SYNE2: variants seen among roughly 807,000 people sequenced by gnomAD.
SYNE2 encodes nesprin-2.
SYNE2 carries 431 observed loss-of-function variants against 856.3 expected under a neutral mutation model. The ratio of observed to expected loss-of-function variants is 0.50; its 90% CI spans 0.47 to 0.55. SYNE2 has a LOEUF of 0.55. Ranked by LOEUF, SYNE2 falls within the 20% of genes least tolerant of loss-of-function variation. The probability of loss-of-function intolerance (pLI) is 0.00; values close to 1 mark genes in which losing one functional copy is unlikely to be tolerated. For synonymous variants in SYNE2, 2,923 were observed against 2,872.3 expected (o/e 1.02, Z -0.56); for missense variants, 8,129 against 8,023.2 (o/e 1.01, Z -0.50).
chr14:64,206,128 C>G (rs1398853476), intron 100 of SYNE2, among the ~76,000 whole-genome samples: 1 of 152,242 alleles, frequency 6.6e-6, no homozygotes, highest in African/African-American at 2.4e-5. Context: ...GCATTCTCTT[C>G]TCCAGTTTCA....
intron 66 of SYNE2, among the ~76,000 whole-genome samples, chr14:64,115,142 A>C (rs2097844335): frequency 6.6e-6 from 1 of 152,228 alleles, no homozygotes; most frequent in Admixed American, 6.5e-5. Flanking sequence ...GGTAGACCCT[A>C]TGCCAACTCG....
intron 1 of SYNE2, among the ~76,000 whole-genome samples, chr14:63,871,346 C>T (rs1896788010): frequency 6.6e-6 from 1 of 151,898 alleles, no homozygotes; most frequent in Non-Finnish European, 1.5e-5. Context: ...GCTGGGATTA[C>T]AAGCATGGGC....
Position 64,026,629 on chromosome 14 carries a change from G to A in SYNE2, c.6303G>A (p.Met2101Ile). The A allele has an allele frequency of 6.2e-7, 1 of 1,613,808 alleles. No individual in the cohort carries two copies. The highest frequency in any genetic ancestry group is 8.5e-7 in the Non-Finnish European group (1 of 1,179,834). ...PEGDARIETI[M>I]KQAESSEAPL... The stretch of plus-strand genomic sequence containing the variant: ...GGGATGCCAGAATAGAGACCATCAT[G>A]AAGCAGGCTGAGAGCAGCGAGGCCC... Residue 2101 changes from methionine (M) to isoleucine (I), a missense_variant, in exon 42 of 116, where the codon ATG becomes ATA. By Grantham distance (10) the Met-to-Ile change is conservative. Transcript: ENST00000555002.
intron 47 of SYNE2, among the ~76,000 whole-genome samples, chr14:64,050,482 T>C (rs1446248426): frequency 6.6e-6 from 1 of 152,126 alleles, no homozygotes; most frequent in African/African-American, 2.4e-5. Context: ...ATCTACAAAA[T>C]AGGTTTATGT....
intron 100 of SYNE2, among the ~76,000 whole-genome samples, chr14:64,203,891 AT>A (rs909888081): frequency 1.3e-5 from 2 of 152,076 alleles, no homozygotes; most frequent in African/African-American, 4.8e-5. Flanking sequence ...TACTGTTGAC[AT>A]TTTTTTAAGA....
intron 1 of SYNE2, among the ~76,000 whole-genome samples, chr14:63,883,840 C>T (rs1469703567): frequency 6.8e-6 from 1 of 147,592 alleles, no homozygotes; most frequent in Admixed American, 6.8e-5. Flanking sequence ...GGTTATATTG[C>T]TTATAATACA....
At chr14:63,827,761 G>C (rs542687589) in intron 1 of SYNE2, among the ~76,000 whole-genome samples, 6 of 151,354 alleles carry the variant, frequency 4.0e-5, no homozygotes, top group Non-Finnish European at 8.8e-5. Flanking sequence ...CACAGGGGGA[G>C]AGCGGACTGA....
chr14:64,080,789 G>A, intron 56 of SYNE2, 151 bp downstream of exon 56: 5 of 959,468 alleles, frequency 5.2e-6, no homozygotes, highest in Non-Finnish European at 8.1e-6. Flanking sequence ...TGGGTGCTGA[G>A]GAGACAGATT....
Position 64,224,506 on chromosome 14 carries a change from G to A in SYNE2, c.20428G>A (p.Asp6810Asn). 1 of 1,614,090 alleles carries A rather than the reference G, an allele frequency of 6.2e-7. No homozygotes were observed. The highest frequency in any genetic ancestry group is 8.5e-7 in the Non-Finnish European group (1 of 1,180,040). ...CAGCTTCGACGAGGTAGACTCGGGG[G>A]ACCAGCCTCCTGCAACATCCGTGCC... ...LPSFDEVDSG[D>N]QPPATSVPAP... Residue 6810 changes from aspartate (D) to asparagine (N), a missense_variant, in exon 114 of 116, where the codon GAC becomes AAC. Transcript: ENST00000555002.
At chr14:63,934,187 A>C (rs1362168049) in intron 2 of SYNE2, among the ~76,000 whole-genome samples, 2 of 152,118 alleles carry the variant, frequency 1.3e-5, no homozygotes, top group East Asian at 3.8e-4. Context: ...TTTCTTTCCA[A>C]ATCTTTTTTT....
rs762516787 is a variant in SYNE2 at position 64,177,368 on chromosome 14, A to G, written c.17441A>G (p.Gln5814Arg). Residue 5814 changes from glutamine (Q) to arginine (R), a missense_variant, in exon 96 of 116, where the codon CAG (glutamine) becomes CGG (arginine). Around this residue, in one of 3 missense-constraint regions of SYNE2, gnomAD observed 5,410 missense variants for 5,284.8 expected, o/e 1.02. Transcript: ENST00000555002. Reference sequence around the variant, plus strand: ...CTTGTTTTCAAATAGACCTGGGACCAGTGTGAAAAGAAAATCAAGGAGTTG... The same window carrying G: ...CTTGTTTTCAAATAGACCTGGGACCGGTGTGAAAAGAAAATCAAGGAGTTG... Reference protein sequence around the residue: ...QFQSTVETWDQCEKKIKELKS... With the variant: ...QFQSTVETWDRCEKKIKELKS... The G allele has an allele frequency of 7.4e-6, 12 of 1,614,092 alleles. No homozygotes were observed. In the African/African-American group the frequency reaches 1.3e-4, roughly 18 times the overall value.
chr14:64,088,091 G>A (rs1040621420), intron 58 of SYNE2, among the ~76,000 whole-genome samples: 1 of 152,154 alleles, frequency 6.6e-6, no homozygotes, highest in Non-Finnish European at 1.5e-5. Flanking sequence ...GCTGAGGCAG[G>A]AGAATCGCTT....
chr14:63,863,834 A>AT (rs1158417209), intron 1 of SYNE2, among the ~76,000 whole-genome samples: 1 of 152,030 alleles, frequency 6.6e-6, no homozygotes, highest in East Asian at 1.9e-4. Flanking sequence ...TATTATCATT[A>AT]TTTTTTCGAG....
At chr14:64,088,261 G>GT (rs2097579258) in intron 58 of SYNE2, among the ~76,000 whole-genome samples, 1 of 152,156 alleles carries the variant, frequency 6.6e-6, no homozygotes, top group Non-Finnish European at 1.5e-5. Context: ...AAAATGTCAT[G>GT]TATGTTCTCA....
chr14:63,917,806 G>GA (rs1343357215), intron 2 of SYNE2, among the ~76,000 whole-genome samples: 8 of 151,644 alleles, frequency 5.3e-5, no homozygotes, highest in Non-Finnish European at 1.2e-4. Flanking sequence ...CTAATTAAAT[G>GA]AAAAATAAAA....
intron 7 of SYNE2, among the ~76,000 whole-genome samples, chr14:63,953,950 G>A (rs1161094581): frequency 3.9e-5 from 6 of 151,900 alleles, no homozygotes; most frequent in Non-Finnish European, 1.5e-5. Flanking sequence ...GTCTCATTCT[G>A]TCACCCAGGC....
chr14:64,070,569 A>C, intron 51 of SYNE2, 76 bp from the exon 52 acceptor site: 1 of 1,335,544 alleles, frequency 7.5e-7, no homozygotes. Context: ...GAGCATACAA[A>C]AATTATGTCT....
intron 84 of SYNE2, among the ~76,000 whole-genome samples, chr14:64,150,408 G>A (rs4411434): frequency 0.45 from 67,717 of 151,322 alleles, 15,679 homozygotes; most frequent in African/African-American, 0.58. Flanking sequence ...TTTTGTAACG[G>A]CAGAGTTTTG....
intron 1 of SYNE2, among the ~76,000 whole-genome samples, chr14:63,786,373 A>G (rs1448349811): frequency 6.6e-6 from 1 of 152,212 alleles, no homozygotes; most frequent in Non-Finnish European, 1.5e-5. Flanking sequence ...ATGCCACTGC[A>G]CTCCAGTCTG....
Sources: allele counts gnomAD v4.1 joint callset (sites outside exome capture counted in the v4.1 genomes callset), GRCh38; gene constraint gnomAD v4.1.1; regional missense constraint gnomAD v4.1.1; transcripts MANE v1.5; gene names NCBI Gene and HGNC (gene_info 2026-07-23, HGNC 2026-07-21).